PCCA: variants seen among roughly 807,000 people sequenced by gnomAD.
The protein encoded by PCCA is propionyl-CoA carboxylase alpha chain, mitochondrial.
Under a neutral mutation model 101.3 loss-of-function variants are expected in PCCA, and 74 were observed. The observed-to-expected ratio is 0.73, with a 90% CI of 0.61 to 0.89. PCCA has a LOEUF of 0.89. PCCA is among the 40% of genes least tolerant of loss of function. The pLI is 0.00. For synonymous variants in PCCA, 294 were observed against 313.6 expected, an observed-to-expected ratio of 0.94 and a Z score of 0.66; for missense variants, 891 against 907.0, an observed-to-expected ratio of 0.98 and a Z score of 0.23.
intron 4 of PCCA, among the ~76,000 whole-genome samples, chr13:100,131,405 A>G (rs998515476): frequency 1.3e-5 from 2 of 152,058 alleles, no homozygotes; most frequent in Admixed American, 1.3e-4. Context: ...CTCTTCTCTC[A>G]CTCTGCTATG....
chr13:100,221,505 G>A (rs949055840), intron 7 of PCCA, among the ~76,000 whole-genome samples: 13 of 152,136 alleles, frequency 8.5e-5, no homozygotes, highest in Non-Finnish European at 1.8e-4. Flanking sequence ...CTCTGTTCTA[G>A]TAAATTTGGA....
intron 21 of PCCA, among the ~76,000 whole-genome samples, chr13:100,472,147 G>A (rs1219335586): frequency 6.6e-6 from 1 of 152,134 alleles, no homozygotes; most frequent in Admixed American, 6.5e-5. Flanking sequence ...GGCTCCACCC[G>A]TCCTTCCAAT....
intron 18 of PCCA, among the ~76,000 whole-genome samples, chr13:100,345,155 G>T (rs768653773): frequency 1.1e-4 from 17 of 152,184 alleles, no homozygotes; most frequent in Admixed American, 5.2e-4. Context: ...GGAATAAGTA[G>T]CACATCTTTC....
intron 4 of PCCA, among the ~76,000 whole-genome samples, chr13:100,119,354 T>A (rs1383679995): frequency 1.3e-5 from 2 of 152,214 alleles, no homozygotes; most frequent in Admixed American, 6.5e-5. Context: ...TGTGATTCTA[T>A]GTTTGGTGCT....
chr13:100,434,220 T>C (rs1326019399), intron 20 of PCCA, among the ~76,000 whole-genome samples: 2 of 152,164 alleles, frequency 1.3e-5, no homozygotes, highest in Non-Finnish European at 2.9e-5. Flanking sequence ...CTTTCTGGTT[T>C]CATAGTTGTC....
At chr13:100,421,556 A>G (rs1408647936) in intron 19 of PCCA, among the ~76,000 whole-genome samples, 2 of 152,160 alleles carry the variant, frequency 1.3e-5, no homozygotes, top group Admixed American at 6.5e-5. Context: ...TGCTGGGTGT[A>G]AAATTGGGGG....
At chr13:100,529,104 C>T (rs1185188585) in intron 23 of PCCA, among the ~76,000 whole-genome samples, 1 of 152,174 alleles carries the variant, frequency 6.6e-6, no homozygotes, top group African/African-American at 2.4e-5. Context: ...ACCCCATCCC[C>T]AGGCCTCTCA....
At chr13:100,391,019 T>C (rs1451114465) in intron 19 of PCCA, among the ~76,000 whole-genome samples, 1 of 151,272 alleles carries the variant, frequency 6.6e-6, no homozygotes, top group Admixed American at 6.6e-5. Context: ...GAAGGGCCTC[T>C]GTGCTTTTTT....
chr13:100,137,811 T>TA (rs928446025), intron 4 of PCCA, among the ~76,000 whole-genome samples: 10 of 151,716 alleles, frequency 6.6e-5, no homozygotes, highest in South Asian at 2.1e-4. Flanking sequence ...AGTCTTTTTT[T>TA]TTTTTTTATT....
intron 22 of PCCA, among the ~76,000 whole-genome samples, chr13:100,517,675 A>G (rs1342030048): frequency 6.6e-6 from 1 of 152,138 alleles, no homozygotes; most frequent in Admixed American, 6.5e-5. Context: ...GGGGCTGCTC[A>G]GGTGGGGCGT....
intron 21 of PCCA, among the ~76,000 whole-genome samples, chr13:100,474,552 C>T (rs1237049520): frequency 6.6e-6 from 1 of 151,994 alleles, no homozygotes. Flanking sequence ...GTGGTACAGT[C>T]ATGGCTCACT....
chr13:100,270,905 A>G (rs1032019236), intron 11 of PCCA, among the ~76,000 whole-genome samples: 3 of 152,130 alleles, frequency 2.0e-5, no homozygotes, highest in Admixed American at 6.5e-5. Context: ...GCTACTTGGG[A>G]GGCTGAAGTG....
chr13:100,464,868 A>G (rs2152947321), intron 21 of PCCA, among the ~76,000 whole-genome samples: 1 of 152,322 alleles, frequency 6.6e-6, no homozygotes, highest in South Asian at 2.1e-4. Context: ...CCATTCTGAT[A>G]TAGGACATTT....
intron 4 of PCCA, among the ~76,000 whole-genome samples, chr13:100,113,413 C>G (rs1487846795): frequency 6.6e-6 from 1 of 152,024 alleles, no homozygotes; most frequent in African/African-American, 2.4e-5. Context: ...GATCAAAGGC[C>G]TAGGACATTA....
intron 19 of PCCA, among the ~76,000 whole-genome samples, chr13:100,417,563 G>A (rs1000498039): frequency 3.9e-5 from 6 of 152,168 alleles, no homozygotes; most frequent in Non-Finnish European, 7.3e-5. Context: ...GTGGCAGTCT[G>A]CCTGAGAGAT....
intron 19 of PCCA, among the ~76,000 whole-genome samples, chr13:100,419,852 A>AG (rs574676604): frequency 3.4e-4 from 52 of 152,224 alleles, no homozygotes; most frequent in Non-Finnish European, 7.1e-4. Flanking sequence ...TGCTGAGAGT[A>AG]GGGGGCAGGG....
At chr13:100,152,688 C>T (rs535419929) in intron 4 of PCCA, among the ~76,000 whole-genome samples, 23 of 152,202 alleles carry the variant, frequency 1.5e-4, no homozygotes, top group Non-Finnish European at 2.5e-4. Flanking sequence ...CCTCGTGATC[C>T]GCCCACCTCA....
At chr13:100,173,638 A>G (rs1379651362) in intron 6 of PCCA, among the ~76,000 whole-genome samples, 1 of 152,152 alleles carries the variant, frequency 6.6e-6, no homozygotes, top group Non-Finnish European at 1.5e-5. Context: ...GTAGGTGTTA[A>G]TGGGTGTCTG....
At chr13:100,172,128 G>C (rs1345684479) in intron 6 of PCCA, among the ~76,000 whole-genome samples, 3 of 151,370 alleles carry the variant, frequency 2.0e-5, no homozygotes, top group Non-Finnish European at 4.4e-5. Flanking sequence ...TTGAGCCCAG[G>C]AGATGGAGGC....
Sources: gnomAD v4.1 joint callset for allele counts (sites outside exome capture counted in the v4.1 genomes callset) on GRCh38, gnomAD v4.1.1 for gene constraint, MANE v1.5 for transcripts, NCBI Gene and HGNC (gene_info 2026-07-23, HGNC 2026-07-21) for gene names.